Variants in ASCL3 observed in about 807,000 individuals in gnomAD.
ASCL3 encodes achaete-scute family bHLH transcription factor 3.
In ASCL3, 1 loss-of-function variant was observed where a neutral mutation model predicts 2.3. That is an observed-to-expected ratio of 0.44 (90% CI 0.16 to 2.10). The LOEUF (loss-of-function observed/expected upper bound fraction) is 2.10. Ranked by LOEUF, ASCL3 falls within the 30% of genes most tolerant of loss-of-function variation. The pLI is 0.28. For synonymous variants in ASCL3, 98 were observed against 88.5 expected, an observed-to-expected ratio of 1.11 and a Z score of -0.60; for missense variants, 243 against 229.0, an observed-to-expected ratio of 1.06 and a Z score of -0.40.
chr11:8,939,370 G>A (rs1357062390), intron 1 of ASCL3, among the ~76,000 whole-genome samples: 1 of 151,942 alleles, frequency 6.6e-6, no homozygotes, highest in Admixed American at 6.6e-5. Context: ...CTCCCAAGTA[G>A]CTGGGATTAC....
intron 1 of ASCL3, among the ~76,000 whole-genome samples, chr11:8,940,739 G>A (rs1275775710): frequency 6.6e-6 from 1 of 152,092 alleles, no homozygotes; most frequent in Non-Finnish European, 1.5e-5. Context: ...TATTCAGGGG[G>A]AAAAAAGGGA....
rs138407124 is a variant in ASCL3, at chr11:8,940,567, A to C, written c.-12-2394T>G. Among the ~76,000 whole-genome samples, 36 of 152,246 alleles carry C rather than the reference A, an allele frequency of 2.4e-4. 1 individual carries two copies. The East Asian group carries it at 5.0e-3, about 21-fold the overall frequency. On this transcript the variant is annotated intron_variant, in intron 1 of 1. Coordinates refer to ENST00000531618, the MANE Select transcript of ASCL3 (RefSeq NM_020646.3). ...TACCCCTTCCTAGCTATGTGTCCTT[A>C]GGCAAGTGTCTTAACCTCTCTGAGC...
chr11:8,937,817 C>A lies in ASCL3; in HGVS notation c.345G>T (p.Gln115His). Residue 115 changes from glutamine (Q) to histidine (H), a missense_variant, in exon 2 of 2, where the codon CAG becomes CAT. Coordinates refer to ENST00000531618, the MANE Select transcript of ASCL3 (RefSeq NM_020646.3). ...RVKCVNEGYA[Q>H]LRHHLPEEYL... is the part of the protein sequence containing the mutation. ...ACTCCTCTGGCAGATGATGGCGGAGCTGGGCGTAGCCTTCATTGACACATT... is the reference window on the plus strand; with the variant it reads ...ACTCCTCTGGCAGATGATGGCGGAGATGGGCGTAGCCTTCATTGACACATT... The A allele has an allele frequency of 6.2e-7, 1 of 1,614,120 alleles. No individual in the cohort carries two copies. Among genetic ancestry groups the A allele is most frequent in the Non-Finnish European group, 8.5e-7 (1 of 1,180,006 alleles).
intron 1 of ASCL3, among the ~76,000 whole-genome samples, chr11:8,938,882 A>G (rs527748080): frequency 5.4e-4 from 79 of 146,528 alleles, no homozygotes; most frequent in Non-Finnish European, 9.1e-4. Context: ...ATGGCTCACT[A>G]GAGCCTTAGC....
intron 1 of ASCL3, among the ~76,000 whole-genome samples, chr11:8,942,737 C>G (rs992114488): frequency 6.6e-6 from 1 of 152,152 alleles, no homozygotes; most frequent in Non-Finnish European, 1.5e-5. Flanking sequence ...GGTTACAAAG[C>G]TAGTAGCAGA....
In ASCL3 at chr11:8,942,985, C is replaced by T. The variant is rs1253355292; in HGVS notation, c.-13+1G>A. Among the ~76,000 whole-genome samples the T allele has an allele frequency of 6.6e-6, 1 of 152,116 alleles. No homozygotes were observed. Among genetic ancestry groups the T allele is most frequent in the African/African-American group, 2.4e-5 (1 of 41,434 alleles). ...GGCCACTCTGGAGAATAGTCTCTTA[C>T]CTGAGTTTTGTCGTCAGGATGCTGT... On this transcript the variant is annotated splice_donor_variant, in intron 1 of 1. Coordinates refer to ENST00000531618, the MANE Select transcript of ASCL3 (RefSeq NM_020646.3). LOFTEE classifies it low-confidence loss of function (5UTR_SPLICE).
intron 1 of ASCL3, among the ~76,000 whole-genome samples, chr11:8,941,573 C>CT (rs1566118488): frequency 2.0e-5 from 3 of 147,702 alleles, no homozygotes; most frequent in Non-Finnish European, 3.0e-5. Context: ...GGGTTAAAGG[C>CT]TATAGTAAGT....
At chr11:8,941,475 T>G (rs911885210) in intron 1 of ASCL3, among the ~76,000 whole-genome samples, 1 of 151,938 alleles carries the variant, frequency 6.6e-6, no homozygotes, top group Non-Finnish European at 1.5e-5. Context: ...GAGCAGCCCC[T>G]AAGACCAGAA....
chr11:8,940,873 G>A lies in ASCL3; in HGVS notation c.-13+2113C>T, dbSNP rs1352278498. Among the ~76,000 whole-genome samples the A allele has an allele frequency of 2.0e-5, 3 of 152,142 alleles. No individual in the cohort carries two copies. In the East Asian group the frequency reaches 5.8e-4, roughly 29 times the overall value. On this transcript the variant is annotated intron_variant, in intron 1 of 1. Coordinates refer to ENST00000531618, the MANE Select transcript of ASCL3 (RefSeq NM_020646.3). ...TAGGTATTATAAGTAATACAGAGAT[G>A]ATTGAAAGTGTTTGAGAGGGTGTGT...
chr11:8,941,940 A>G (rs1416898128), intron 1 of ASCL3, among the ~76,000 whole-genome samples: 2 of 152,154 alleles, frequency 1.3e-5, no homozygotes, highest in East Asian at 3.9e-4. Context: ...TTCCGACAAC[A>G]GCAGAGCCAT....
In ASCL3 at chr11:8,938,119, G is replaced by A. The variant is rs745555998; in HGVS notation, c.43C>T (p.Pro15Ser). The change falls in exon 2 of 2, where the codon CCT becomes TCT. Residue 15 changes from proline (P) to serine (S), a missense_variant. Pro to Ser is a moderately conservative substitution (Grantham distance 74). Transcript: ENST00000531618. Reference sequence around the variant, plus strand: ...AAGCGGGCAGAATCAGGGAAGATAGGAAGTTTGTCAGGTAGACTAGAGTTG... The same window carrying A: ...AAGCGGGCAGAATCAGGGAAGATAGAAAGTTTGTCAGGTAGACTAGAGTTG... ...RGNSSLPDKL[P>S]IFPDSARLPL... The A allele has an allele frequency of 4.3e-6, 7 of 1,611,624 alleles. No individual in the cohort carries two copies. The African/African-American group carries it at 6.7e-5, about 15-fold the overall frequency.
In ASCL3 at chr11:8,937,865, A is replaced by T; in HGVS notation, c.297T>A (p.Asn99Lys). ...ATTTCACCCGCTGCCTTTCCCGCTC[A>T]TTCCTTTTCCGGGTGAAGGCTGGCC... ...SYGPAFTRKRNERERQRVKCV... is the reference protein window; with the variant it reads ...SYGPAFTRKRKERERQRVKCV... The change falls in exon 2 of 2, where the codon AAT (asparagine) becomes AAA (lysine). Residue 99 changes from asparagine to lysine, a missense_variant. By Grantham distance (94) the Asn-to-Lys change is moderately conservative. Coordinates refer to ENST00000531618, the MANE Select transcript of ASCL3 (RefSeq NM_020646.3). 1 of 1,614,130 alleles carries T rather than the reference A, an allele frequency of 6.2e-7. No individual in the cohort carries two copies. Among genetic ancestry groups the T allele is most frequent in the Non-Finnish European group, 8.5e-7 (1 of 1,180,014 alleles).
intron 1 of ASCL3, among the ~76,000 whole-genome samples, chr11:8,939,558 T>C (rs1237025833): frequency 6.6e-6 from 1 of 152,144 alleles, no homozygotes; most frequent in African/African-American, 2.4e-5. Flanking sequence ...GTCTTAAAAC[T>C]AAATCTACTT....
chr11:8,937,732 A>C lies in ASCL3; in HGVS notation c.430T>G (p.Tyr144Asp). Reference sequence around the variant, plus strand: ...TCAGGGTACAGAAGAGACTGCAGGTAGTTAATGTACTTGATCGCAGCTCTG... The same window carrying C: ...TCAGGGTACAGAAGAGACTGCAGGTCGTTAATGTACTTGATCGCAGCTCTG... ...TLRAAIKYIN[Y>D]LQSLLYPDKA... The change falls in exon 2 of 2, where the codon TAC becomes GAC. Residue 144 changes from tyrosine (Y) to aspartate (D), a missense_variant. Physicochemically the swap from Tyr to Asp is radical, Grantham distance 160 (BLOSUM62 -3). Transcript: ENST00000531618. The C allele has an allele frequency of 6.2e-7, 1 of 1,614,120 alleles. No homozygotes were observed.
rs550730709 is a variant in ASCL3, at chr11:8,941,653, G to A, written c.-13+1333C>T. Among the ~76,000 whole-genome samples, 79 of 152,198 alleles carry A rather than the reference G, an allele frequency of 5.2e-4. 1 individual carries two copies. Among genetic ancestry groups the A allele is most frequent in the African/African-American group, 1.9e-3 (77 of 41,548 alleles). On this transcript the variant is annotated intron_variant, in intron 1 of 1. Coordinates refer to ENST00000531618, the MANE Select transcript of ASCL3 (RefSeq NM_020646.3). ...CTTCTTAAAAGCGACGGGGTGGTGG[G>A]ATGAGATAAGTGGGATAGCTCCAAT...
At chr11:8,940,999 A>G (rs1409134972) in intron 1 of ASCL3, among the ~76,000 whole-genome samples, 1 of 152,144 alleles carries the variant, frequency 6.6e-6, no homozygotes, top group Admixed American at 6.5e-5. Flanking sequence ...CCCCAGGTAC[A>G]GAGGAGTGAC....
chr11:8,938,799 CTTTTTTT>C (rs566272891), intron 1 of ASCL3, among the ~76,000 whole-genome samples: 2 of 130,338 alleles, frequency 1.5e-5, no homozygotes, highest in Non-Finnish European at 3.3e-5. Flanking sequence ...CACTAGAATT[CTTTTTTT>C]TTTTTTTTTT....
rs192583381 is a variant in ASCL3 at position 8,940,029 on chromosome 11, G to A, written c.-12-1856C>T. On this transcript the variant is annotated intron_variant, in intron 1 of 1. Transcript: ENST00000531618. ...GTTTTGTTCTGTCAGCCAGGCTGGAGTGCAGTAATGTGATCATGGCTTACT... is the reference window on the plus strand; with the variant it reads ...GTTTTGTTCTGTCAGCCAGGCTGGAATGCAGTAATGTGATCATGGCTTACT... Among the ~76,000 whole-genome samples, 338 of 152,186 alleles carry A rather than the reference G, an allele frequency of 2.2e-3. 1 individual carries two copies. The highest frequency in any genetic ancestry group is 7.7e-3 in the African/African-American group (320 of 41,550).
At chr11:8,942,225 T>C (rs1373119740) in intron 1 of ASCL3, among the ~76,000 whole-genome samples, 2 of 152,190 alleles carry the variant, frequency 1.3e-5, no homozygotes, top group African/African-American at 4.8e-5. Context: ...TTTTTTTCTG[T>C]TGAGCATTTC....
Sources: gnomAD v4.1 joint callset for allele counts (sites outside exome capture counted in the v4.1 genomes callset) on GRCh38, gnomAD v4.1.1 for gene constraint, MANE v1.5 for transcripts, NCBI Gene and HGNC (gene_info 2026-07-23, HGNC 2026-07-21) for gene names.